Variants in SCFD2 observed in about 807,000 individuals in gnomAD.
SCFD2 encodes sec1 family domain-containing protein 2.
In SCFD2, 54 loss-of-function variants were observed where a neutral mutation model predicts 58.9. The ratio of observed to expected loss-of-function variants is 0.92; its 90% CI spans 0.74 to 1.15. SCFD2 has a LOEUF of 1.15. SCFD2 is among the 50% of genes most tolerant of loss of function. The pLI is 0.00. For missense variants in SCFD2, 805 were observed against 836.6 expected, an observed-to-expected ratio of 0.96 and a Z score of 0.47; for synonymous variants, 321 against 335.9, an observed-to-expected ratio of 0.96 and a Z score of 0.49.
At position 53,173,994 on chromosome 4, in the gene SCFD2, AG is replaced by A. The variant is rs1193886667; in HGVS notation, c.1312-28413del. On this transcript the variant is annotated intron_variant, in intron 4 of 8. Transcript: ENST00000401642. ...ATAAAAGATGAAAGCAAAATAATTA[AG>A]GTATGAATAAGGAATTATCAAAAAC... Among the ~76,000 whole-genome samples the A allele has an allele frequency of 2.0e-5, 3 of 152,334 alleles. No individual in the cohort carries two copies. The East Asian group carries it at 5.8e-4, about 29-fold the overall frequency.
chr4:53,215,790 A>T (rs1209806749), intron 4 of SCFD2, among the ~76,000 whole-genome samples: 1 of 151,986 alleles, frequency 6.6e-6, no homozygotes, highest in Admixed American at 6.6e-5. Context: ...GTTTGTCATA[A>T]ATAGCTCTTA....
At chr4:52,947,660 A>T (rs1720468063) in intron 5 of SCFD2, among the ~76,000 whole-genome samples, 3 of 152,170 alleles carry the variant, frequency 2.0e-5, no homozygotes, top group African/African-American at 7.2e-5. Flanking sequence ...CCAAGATGGC[A>T]CTGAAATTCA....
At chr4:53,061,942 G>A (rs1399377976) in intron 5 of SCFD2, among the ~76,000 whole-genome samples, 1 of 152,110 alleles carries the variant, frequency 6.6e-6, no homozygotes, top group East Asian at 1.9e-4. Context: ...GAGGGTGAGA[G>A]AGCTAGCTGG....
intron 4 of SCFD2, among the ~76,000 whole-genome samples, chr4:53,253,872 T>G (rs891327806): frequency 1.7e-4 from 25 of 142,864 alleles, no homozygotes; most frequent in Admixed American, 7.8e-4. Flanking sequence ...ACATGTACCC[T>G]AAAACTTAAA....
At chr4:52,969,191 C>G (rs909486021) in intron 5 of SCFD2, among the ~76,000 whole-genome samples, 1 of 152,154 alleles carries the variant, frequency 6.6e-6, no homozygotes, top group Non-Finnish European at 1.5e-5. Context: ...TAAATTCCCA[C>G]TTGCTTATGA....
At chr4:53,237,097 CTTAATCCA>C (rs1729648201) in intron 4 of SCFD2, among the ~76,000 whole-genome samples, 1 of 149,360 alleles carries the variant, frequency 6.7e-6, no homozygotes, top group Non-Finnish European at 1.5e-5. Context: ...TTGCACCGCC[CTTAATCCA>C]TTCAACCCTG....
chr4:53,341,996 C>T (rs1553902213), intron 2 of SCFD2, among the ~76,000 whole-genome samples: 1 of 152,274 alleles, frequency 6.6e-6, no homozygotes, highest in South Asian at 2.1e-4. Context: ...CCAGCCACTG[C>T]AGAAACATAC....
chr4:53,214,769 G>T lies in SCFD2; in HGVS notation c.1311+59057C>A, dbSNP rs541465436. 9.2e-5 allele frequency among the ~76,000 whole-genome samples: 14 copies of T among 152,094 alleles called. No individual in the cohort carries two copies. The South Asian group carries it at 2.7e-3, about 29-fold the overall frequency. ...TGGTATTGCCTAGGTTTTCTTCTAG[G>T]GTTTTTATGGTTTTAGGTCTAACAT... On this transcript the variant is annotated intron_variant, in intron 4 of 8. Transcript: ENST00000401642.
intron 5 of SCFD2, among the ~76,000 whole-genome samples, chr4:53,082,928 A>G (rs1724190822): frequency 6.6e-6 from 1 of 151,916 alleles, no homozygotes; most frequent in East Asian, 2.0e-4. Context: ...GATATTTCTC[A>G]GCCTCTATAA....
At chr4:53,041,056 A>G (rs1166822442) in intron 5 of SCFD2, among the ~76,000 whole-genome samples, 4 of 152,206 alleles carry the variant, frequency 2.6e-5, no homozygotes, top group Non-Finnish European at 5.9e-5. Context: ...ATATTTTCAT[A>G]AAGACTTTTA....
At chr4:53,244,875 A>C (rs1334438175) in intron 4 of SCFD2, among the ~76,000 whole-genome samples, 3 of 151,774 alleles carry the variant, frequency 2.0e-5, no homozygotes, top group Non-Finnish European at 4.4e-5. Context: ...CTAATAAAGA[A>C]AAAAAGAGAG....
At chr4:53,176,301 A>G (rs1451525956) in intron 4 of SCFD2, among the ~76,000 whole-genome samples, 1 of 152,242 alleles carries the variant, frequency 6.6e-6, no homozygotes, top group Non-Finnish European at 1.5e-5. Flanking sequence ...AGTAATACAG[A>G]CAACACTCAA....
At chr4:53,049,748 T>C (rs556574093) in intron 5 of SCFD2, among the ~76,000 whole-genome samples, 15 of 152,126 alleles carry the variant, frequency 9.9e-5, no homozygotes, top group Non-Finnish European at 1.9e-4. Flanking sequence ...TCTGAGTCTA[T>C]CTCTTTAAAA....
intron 4 of SCFD2, among the ~76,000 whole-genome samples, chr4:53,254,073 C>T (rs1400292612): frequency 6.6e-6 from 1 of 152,028 alleles, no homozygotes; most frequent in Non-Finnish European, 1.5e-5. Flanking sequence ...AGGGGAACAA[C>T]ACACACTGGG....
At chr4:52,975,498 G>A (rs146436670) in intron 5 of SCFD2, among the ~76,000 whole-genome samples, 3,083 of 152,274 alleles carry the variant, frequency 0.02, 113 homozygotes, top group African/African-American at 0.071. Flanking sequence ...TTAGAATGGT[G>A]ATCATTAAAA....
intron 3 of SCFD2, among the ~76,000 whole-genome samples, chr4:53,297,538 CTA>C (rs1444476450): frequency 1.3e-5 from 2 of 152,004 alleles, no homozygotes; most frequent in African/African-American, 2.4e-5. Flanking sequence ...TATTTTGAGC[CTA>C]TGTGTGTCCT....
intron 4 of SCFD2, among the ~76,000 whole-genome samples, chr4:53,265,798 G>T (rs1730967590): frequency 6.6e-6 from 1 of 152,108 alleles, no homozygotes; most frequent in Admixed American, 6.5e-5. Context: ...GGAATGCAGT[G>T]ACGCAATTAC....
chr4:53,183,664 TA>T (rs11353763), intron 4 of SCFD2, among the ~76,000 whole-genome samples: 67,731 of 148,340 alleles, frequency 0.46, 16,074 homozygotes, highest in Admixed American at 0.53. Flanking sequence ...ATAATAAAAT[TA>T]AAAAAAAAAA....
chr4:53,223,646 C>G (rs1387926331), intron 4 of SCFD2, among the ~76,000 whole-genome samples: 1 of 152,200 alleles, frequency 6.6e-6, no homozygotes, highest in Non-Finnish European at 1.5e-5. Context: ...TCATGGAAAT[C>G]TCGTTTGGCT....
Sources: allele counts gnomAD v4.1 joint callset (sites outside exome capture counted in the v4.1 genomes callset), GRCh38; gene constraint gnomAD v4.1.1; transcripts MANE v1.5; gene names NCBI Gene and HGNC (gene_info 2026-07-23, HGNC 2026-07-21).